The following TIMM17A variants were observed in gnomAD, a reference collection of about 807,000 sequenced individuals.
TIMM17A encodes translocase of inner mitochondrial membrane 17A.
TIMM17A carries 15 observed loss-of-function variants against 26.5 expected under a neutral mutation model. That is an observed-to-expected ratio of 0.57 (90% CI 0.38 to 0.87). TIMM17A has a LOEUF of 0.87. TIMM17A is among the 40% of genes least tolerant of loss of function. TIMM17A has a pLI of 0.00. For missense variants in TIMM17A, 201 were observed against 210.0 expected, an observed-to-expected ratio of 0.96 and a Z score of 0.27; for synonymous variants, 80 against 70.8, an observed-to-expected ratio of 1.13 and a Z score of -0.66.
intron 1 of TIMM17A, among the ~76,000 whole-genome samples, 170 bp from the exon 2 acceptor site, chr1:201,957,111 G>A (rs1299952014): frequency 6.6e-6 from 1 of 152,080 alleles, no homozygotes; most frequent in African/African-American, 2.4e-5. Context: ...TTTTTTGACT[G>A]CCCTGTTTGA....
In TIMM17A at chr1:201,967,015, GTA is replaced by G. The variant is rs1553301543; in HGVS notation, c.430+1483_430+1484del. On this transcript the variant is annotated intron_variant, in intron 5 of 5. Transcript: ENST00000367287. ...GTTGTGTGTGTGTGTGTGTGTGTGT[GTA>G]TATATATATAGTGAGGATAGTAGTA... Among the ~76,000 whole-genome samples, 599 of 118,826 alleles carry G rather than the reference GTA, an allele frequency of 5.0e-3. 2 individuals carry two copies. The highest frequency in any genetic ancestry group is 7.7e-3 in the Non-Finnish European group (439 of 57,176). 78.0% of individuals were successfully genotyped at this position (118,826 alleles called of 152,430 possible). A position where few individuals can be genotyped will look rare whatever the true frequency, so the allele number is the denominator to read the frequency against.
At chr1:201,960,358 C>T (rs1038478529) in intron 3 of TIMM17A, among the ~76,000 whole-genome samples, 36 of 152,044 alleles carry the variant, frequency 2.4e-4, no homozygotes, top group African/African-American at 7.7e-4. Context: ...CGAGATTGTG[C>T]CATTGCACTC....
At chr1:201,961,752 C>A (rs375218510) in intron 3 of TIMM17A, among the ~76,000 whole-genome samples, 2 of 152,050 alleles carry the variant, frequency 1.3e-5, no homozygotes, top group East Asian at 3.9e-4. Context: ...TCTATACATA[C>A]TGAAAATCAC....
At chr1:201,959,999 A>AAAT (rs1558249981) in intron 3 of TIMM17A, among the ~76,000 whole-genome samples, 4 of 150,192 alleles carry the variant, frequency 2.7e-5, no homozygotes, top group Non-Finnish European at 4.4e-5. Context: ...ACTCTGTCTC[A>AAAT]AAATAAATAA....
At chr1:201,961,457 G>A (rs899254169) in intron 3 of TIMM17A, among the ~76,000 whole-genome samples, 8 of 152,196 alleles carry the variant, frequency 5.3e-5, no homozygotes, top group African/African-American at 1.4e-4. Flanking sequence ...GGAAGAAGAC[G>A]TTTCAGGCTC....
At chr1:201,957,115 T>G (rs976340277) in intron 1 of TIMM17A, among the ~76,000 whole-genome samples, 166 bp from the exon 2 acceptor site, 3 of 152,248 alleles carry the variant, frequency 2.0e-5, no homozygotes, top group African/African-American at 7.2e-5. Flanking sequence ...TTGACTGCCC[T>G]GTTTGATTAC....
chr1:201,957,284 A>G lies in TIMM17A; in HGVS notation c.30A>G (p.Pro10=). The G allele has an allele frequency of 6.2e-7, 1 of 1,604,176 alleles. No homozygotes were observed. The highest frequency in any genetic ancestry group is 8.5e-7 in the Non-Finnish European group (1 of 1,171,990). The change falls in exon 2 of 6, where the codon CCA becomes CCG. Residue 10 remains proline, a synonymous_variant. Transcript: ENST00000367287. MEEYAREPC[P]WRIVDDCGGA... is the part of the protein sequence containing the mutation. ...TTTTTTTTCCCCCTGTTCTTAGCCC[A>G]TGGCGAATTGTGGATGACTGTGGTG...
intron 5 of TIMM17A, 69 bp from the exon 6 acceptor site, chr1:201,969,400 A>C: frequency 1.6e-6 from 2 of 1,239,824 alleles, no homozygotes; most frequent in Non-Finnish European, 2.3e-6. Context: ...TACTCTCTAT[A>C]GAGATTTGTT....
At chr1:201,960,255 C>CTA (rs1682500791) in intron 3 of TIMM17A, among the ~76,000 whole-genome samples, 1 of 151,972 alleles carries the variant, frequency 6.6e-6, no homozygotes, top group African/African-American at 2.4e-5. Flanking sequence ...CACCAATTAG[C>CTA]CGGGTGTGGT....
chr1:201,955,619 C>T (rs539637003), intron 1 of TIMM17A, 67 bp downstream of exon 1: 1 of 1,608,096 alleles, frequency 6.2e-7, no homozygotes, highest in African/African-American at 1.3e-5. Context: ...CTCCCTTGTC[C>T]AGGCTCCCAA....
intron 5 of TIMM17A, among the ~76,000 whole-genome samples, chr1:201,967,812 C>T (rs1254607392): frequency 1.3e-5 from 2 of 151,790 alleles, no homozygotes; most frequent in Non-Finnish European, 2.9e-5. Flanking sequence ...GCTGGGATTA[C>T]AGGGGTGAGC....
chr1:201,955,516 T>C lies in TIMM17A; in HGVS notation c.-11T>C, dbSNP rs528056325. Reference sequence around the variant, plus strand: ...AGCTTGCCCGGCATCACTCGCGGCATTGGAGTCAAGATGGAGGAGTACGCG... The same window carrying C: ...AGCTTGCCCGGCATCACTCGCGGCACTGGAGTCAAGATGGAGGAGTACGCG... On this transcript the variant is annotated 5_prime_UTR_variant, in exon 1 of 6. Transcript: ENST00000367287. 23 of 1,614,254 alleles carry C rather than the reference T, an allele frequency of 1.4e-5. No individual in the cohort carries two copies. The highest frequency in any genetic ancestry group is 1.1e-4 in the African/African-American group (8 of 75,070).
At chr1:201,966,020 G>C (rs1682618374) in intron 5 of TIMM17A, among the ~76,000 whole-genome samples, 1 of 152,170 alleles carries the variant, frequency 6.6e-6, no homozygotes, top group Non-Finnish European at 1.5e-5. Flanking sequence ...TTGAAGAAGA[G>C]AATAGTGGAA....
In TIMM17A at chr1:201,966,974, G is replaced by A. The variant is rs1193671572; in HGVS notation, c.430+1431G>A. Among the ~76,000 whole-genome samples, 5 of 105,788 alleles carry A rather than the reference G, an allele frequency of 4.7e-5. 1 individual carries two copies. Among genetic ancestry groups the A allele is most frequent in the Admixed American group, 3.1e-4 (3 of 9,620 alleles). 69.4% of individuals were successfully genotyped at this position (105,788 alleles called of 152,430 possible). On this transcript the variant is annotated intron_variant, in intron 5 of 5. Coordinates refer to ENST00000367287, the MANE Select transcript of TIMM17A (RefSeq NM_006335.3). ...ATTATATATGTTATATATTATATAT[G>A]TTGTATATTATATATGTTGTGTGTG...
Position 201,969,689 on chromosome 1 carries a change from CT to C in TIMM17A, c.*141del, listed in dbSNP as rs1393434675. 3.1e-6 allele frequency: 2 copies of C among 636,966 alleles called. No homozygotes were observed. Among genetic ancestry groups the C allele is most frequent in the Non-Finnish European group, 5.4e-6 (2 of 371,956 alleles). The allele number at this position is 636,966 out of a possible 1,614,324, so 39.5% of individuals were successfully genotyped here. A position where few individuals can be genotyped will look rare whatever the true frequency, so the allele number is the denominator to read the frequency against. ...ATAGGCTATAAAGAGACATTTAGCA[CT>C]TTTTTCTATTTAAAGGAACAAGCGG... is the stretch of plus-strand genomic sequence containing the variant. On this transcript the variant is annotated 3_prime_UTR_variant, in exon 6 of 6. Coordinates refer to ENST00000367287, the MANE Select transcript of TIMM17A (RefSeq NM_006335.3).
In TIMM17A at chr1:201,969,640, C is replaced by A; in HGVS notation, c.*86C>A. 8.3e-7 allele frequency: 1 copy of A among 1,201,388 alleles called. No individual in the cohort carries two copies. The highest frequency in any genetic ancestry group is 1.2e-6 in the Non-Finnish European group (1 of 813,796). The allele number at this position is 1,201,388 out of a possible 1,614,324, so 74.4% of individuals were successfully genotyped here. A position where few individuals can be genotyped will look rare whatever the true frequency, so the allele number is the denominator to read the frequency against. ...ATCAAGTTACAGTCTGTTTTTAAAA[C>A]CATAGGTGGGACAGCTATGGCCAAT... On this transcript the variant is annotated 3_prime_UTR_variant, in exon 6 of 6. Coordinates refer to ENST00000367287, the MANE Select transcript of TIMM17A (RefSeq NM_006335.3).
At chr1:201,964,208 A>G (rs1021376052) in intron 4 of TIMM17A, among the ~76,000 whole-genome samples, 4 of 152,234 alleles carry the variant, frequency 2.6e-5, no homozygotes, top group Admixed American at 1.3e-4. Context: ...ATGAAAGAGC[A>G]TGGAATTCTA....
chr1:201,968,363 C>T (rs986797613), intron 5 of TIMM17A, among the ~76,000 whole-genome samples: 6 of 151,080 alleles, frequency 4.0e-5, no homozygotes, highest in South Asian at 2.1e-4. Context: ...TGGTTTTCAT[C>T]GGCTTATCTT....
rs185353322 is a variant in TIMM17A, at chr1:201,968,143, C to T, written c.431-1326C>T. 7.2e-4 allele frequency among the ~76,000 whole-genome samples: 109 copies of T among 150,966 alleles called. No homozygotes were observed. In the East Asian group the frequency reaches 0.018, roughly 26 times the overall value. ...TCCTGAGTAGCTGGGACTACAGGTG[C>T]GCAACATCACACCTGGCTCATTTTT... On this transcript the variant is annotated intron_variant, in intron 5 of 5. Transcript: ENST00000367287.
Sources: allele counts gnomAD v4.1 joint callset (sites outside exome capture counted in the v4.1 genomes callset), GRCh38; gene constraint gnomAD v4.1.1; transcripts MANE v1.5; gene names NCBI Gene and HGNC (gene_info 2026-07-23, HGNC 2026-07-21).